TMC7: variants seen among roughly 807,000 people sequenced by gnomAD.
The protein encoded by TMC7 is transmembrane channel like 7.
Under a neutral mutation model 82.9 loss-of-function variants are expected in TMC7, and 54 were observed. That is an observed-to-expected ratio of 0.65 (90% confidence interval 0.52 to 0.82). TMC7 has a LOEUF of 0.82. Ranked by LOEUF, TMC7 falls within the 40% of genes least tolerant of loss-of-function variation. The probability of loss-of-function intolerance (pLI) is 0.00; values close to 1 mark genes in which losing one functional copy is unlikely to be tolerated. For missense variants in TMC7, 820 were observed against 901.2 expected (o/e 0.91, Z 1.15); for synonymous variants, 350 against 337.9 (o/e 1.04, Z -0.39).
chr16:19,053,690 A>G (rs202236587), intron 13 of TMC7, among the ~76,000 whole-genome samples: 1 of 152,194 alleles, frequency 6.6e-6, no homozygotes, highest in Non-Finnish European at 1.5e-5. Flanking sequence ...GGCGTGAGCC[A>G]CTGTGCTCGG....
intron 15 of TMC7, 126 bp downstream of exon 15, chr16:19,059,620 ACT>A (rs745738575): frequency 1.9e-6 from 3 of 1,586,318 alleles, no homozygotes; most frequent in Non-Finnish European, 2.6e-6. Flanking sequence ...CCTCCCCAAA[ACT>A]CTGCCTTGAG....
chr16:19,049,010 A>C (rs955799898), intron 12 of TMC7, among the ~76,000 whole-genome samples: 3 of 152,118 alleles, frequency 2.0e-5, no homozygotes, highest in Non-Finnish European at 4.4e-5. Context: ...ACCCTTTGAC[A>C]AAGTACTAGA....
intron 1 of TMC7, among the ~76,000 whole-genome samples, chr16:18,994,002 G>A (rs1175317099): frequency 6.6e-6 from 1 of 152,092 alleles, no homozygotes; most frequent in African/African-American, 2.4e-5. Context: ...GAACAGGAAA[G>A]AAAGAAATAT....
Position 18,984,030 on chromosome 16 carries a change from C to A in TMC7, c.-34C>A. The A allele has an allele frequency of 6.9e-7, 1 of 1,439,600 alleles. No homozygotes were observed. The highest frequency in any genetic ancestry group is 9.1e-7 in the Non-Finnish European group (1 of 1,103,176). The allele number at this position is 1,439,600 out of a possible 1,614,324, so 89.2% of individuals were successfully genotyped here. ...GGCGGCGGCGGCGGCTGGAGAGGGTCCTCGGCAGCCTCTGAGGAGCGCGGG... is the reference window on the plus strand; with the variant it reads ...GGCGGCGGCGGCGGCTGGAGAGGGTACTCGGCAGCCTCTGAGGAGCGCGGG... On this transcript the variant is annotated 5_prime_UTR_variant, in exon 1 of 16. Coordinates refer to ENST00000304381, the MANE Select transcript of TMC7 (RefSeq NM_024847.4).
chr16:19,055,574 C>T (rs1961733438), intron 13 of TMC7, among the ~76,000 whole-genome samples: 1 of 151,934 alleles, frequency 6.6e-6, no homozygotes, highest in Non-Finnish European at 1.5e-5. Flanking sequence ...GCCAGGTTGG[C>T]CTCCATCTCC....
chr16:19,042,666 C>CCCGGCACCACGA (rs1567524119), intron 9 of TMC7, among the ~76,000 whole-genome samples: 4 of 150,494 alleles, frequency 2.7e-5, no homozygotes, highest in Non-Finnish European at 5.9e-5. Flanking sequence ...CGGCACCACG[C>CCCGGCACCACGA]CCGGCTAATT....
intron 1 of TMC7, among the ~76,000 whole-genome samples, chr16:19,000,062 G>A (rs1299930911): frequency 5.3e-5 from 8 of 151,956 alleles, no homozygotes; most frequent in African/African-American, 1.9e-4. Flanking sequence ...CGAAGGCTGC[G>A]AGCCACCACG....
At chr16:18,988,539 C>T (rs1249502575) in intron 1 of TMC7, among the ~76,000 whole-genome samples, 1 of 152,124 alleles carries the variant, frequency 6.6e-6, no homozygotes, top group African/African-American at 2.4e-5. Context: ...GATCTTCCTG[C>T]CTTGGTCTCC....
At chr16:19,011,046 A>G (rs1210069817) in intron 2 of TMC7, among the ~76,000 whole-genome samples, 1 of 152,194 alleles carries the variant, frequency 6.6e-6, no homozygotes, top group African/African-American at 2.4e-5. Flanking sequence ...GTAAAGTCAC[A>G]TGGCCACGAG....
At chr16:19,041,290 A>C (rs1032267280) in intron 9 of TMC7, among the ~76,000 whole-genome samples, 1 of 152,046 alleles carries the variant, frequency 6.6e-6, no homozygotes, top group African/African-American at 2.4e-5. Flanking sequence ...TCTCGTTTCC[A>C]TCCATTCCCT....
chr16:18,992,761 A>G (rs2038974863), intron 1 of TMC7, among the ~76,000 whole-genome samples: 1 of 152,170 alleles, frequency 6.6e-6, no homozygotes, highest in Non-Finnish European at 1.5e-5. Flanking sequence ...ATCCATCTTG[A>G]ATTAATTTTT....
chr16:19,040,464 G>A lies in TMC7; in HGVS notation c.1337+18G>A. 6.2e-7 allele frequency: 1 copy of A among 1,602,420 alleles called. No individual in the cohort carries two copies. The highest frequency in any genetic ancestry group is 1.7e-5 in the Admixed American group (1 of 59,548). On this transcript the variant is annotated intron_variant, in intron 9 of 15. Coordinates refer to ENST00000304381, the MANE Select transcript of TMC7 (RefSeq NM_024847.4). The stretch of plus-strand genomic sequence containing the variant: ...ATCCTTAGGTAATGCCTAACATGAA[G>A]ATGGCAGGCATGTCAAGCCAGTCAC...
At chr16:19,024,004 G>A (rs1423014950) in intron 5 of TMC7, among the ~76,000 whole-genome samples, 14 of 152,240 alleles carry the variant, frequency 9.2e-5, no homozygotes, top group Admixed American at 5.9e-4. Flanking sequence ...GTACATGGGC[G>A]TATGAAGATT....
intron 5 of TMC7, 98 bp from the exon 6 acceptor site, chr16:19,030,126 G>C: frequency 7.9e-7 from 1 of 1,264,366 alleles, no homozygotes; most frequent in Non-Finnish European, 1.1e-6. Flanking sequence ...GAGAGGAAAG[G>C]GGACACTGGA....
At chr16:18,997,270 C>T (rs905313234) in intron 1 of TMC7, among the ~76,000 whole-genome samples, 4 of 152,214 alleles carry the variant, frequency 2.6e-5, no homozygotes, top group African/African-American at 7.2e-5. Flanking sequence ...ACTGGGGATA[C>T]GATGGCTTAG....
chr16:19,001,795 C>T (rs1405917117), intron 1 of TMC7, among the ~76,000 whole-genome samples: 3 of 152,190 alleles, frequency 2.0e-5, no homozygotes, highest in Admixed American at 6.5e-5. Context: ...CATCAAAGCA[C>T]AGAGCAAGTC....
intron 13 of TMC7, among the ~76,000 whole-genome samples, chr16:19,056,295 A>T (rs1441480920): frequency 6.6e-6 from 1 of 152,034 alleles, no homozygotes; most frequent in Non-Finnish European, 1.5e-5. Context: ...CACGTTGGTC[A>T]GCCTGGTCTC....
intron 14 of TMC7, 63 bp downstream of exon 14, chr16:19,056,760 G>T: frequency 6.4e-7 from 1 of 1,563,000 alleles, no homozygotes; most frequent in African/African-American, 1.4e-5. Flanking sequence ...AAATGGCGGC[G>T]GTCGGGGCGG....
chr16:18,993,924 C>A (rs2038994036), intron 1 of TMC7, among the ~76,000 whole-genome samples: 1 of 152,114 alleles, frequency 6.6e-6, no homozygotes, highest in South Asian at 2.1e-4. Flanking sequence ...CATAGCCTGC[C>A]TTTGCTGGTG....
Sources: gnomAD v4.1 joint callset for allele counts (sites outside exome capture counted in the v4.1 genomes callset) on GRCh38, gnomAD v4.1.1 for gene constraint, MANE v1.5 for transcripts, NCBI Gene and HGNC (gene_info 2026-07-23, HGNC 2026-07-21) for gene names.